The following CABLES1 variants were observed in gnomAD, a reference collection of about 807,000 sequenced individuals.
CABLES1 encodes Cdk5 and Abl enzyme substrate 1.
In CABLES1, 36 loss-of-function variants were observed where a neutral mutation model predicts 57.8. That is an observed-to-expected ratio of 0.62 (90% CI 0.48 to 0.82). The LOEUF (loss-of-function observed/expected upper bound fraction) is 0.82. Ranked by LOEUF, CABLES1 falls within the 40% of genes least tolerant of loss-of-function variation. CABLES1 has a pLI of 0.00. For synonymous variants in CABLES1, 374 were observed against 363.0 expected, an observed-to-expected ratio of 1.03 and a Z score of -0.35; for missense variants, 767 against 836.6, an observed-to-expected ratio of 0.92 and a Z score of 1.03.
At chr18:23,230,237 C>T (rs185429532) in intron 4 of CABLES1, among the ~76,000 whole-genome samples, 8 of 152,084 alleles carry the variant, frequency 5.3e-5, no homozygotes, top group East Asian at 1.9e-4. Flanking sequence ...CCGGGCATGG[C>T]GGCAGGCGCC....
chr18:23,231,011 A>T (rs1000851038), intron 4 of CABLES1, among the ~76,000 whole-genome samples: 1 of 150,670 alleles, frequency 6.6e-6, no homozygotes, highest in African/African-American at 2.4e-5. Context: ...GTCCCATTTG[A>T]TCATGGACCC....
At chr18:23,144,084 C>T (rs1016299323) in intron 1 of CABLES1, among the ~76,000 whole-genome samples, 3 of 152,230 alleles carry the variant, frequency 2.0e-5, no homozygotes, top group Non-Finnish European at 2.9e-5. Flanking sequence ...CACAAGAGGC[C>T]CCTTCCTTCC....
intron 4 of CABLES1, among the ~76,000 whole-genome samples, chr18:23,215,123 C>T (rs561060906): frequency 6.6e-6 from 1 of 152,144 alleles, no homozygotes; most frequent in Non-Finnish European, 1.5e-5. Flanking sequence ...ACTTTGAGCT[C>T]GTCTTTTTCA....
chr18:23,135,282 C>A (rs2046809145), upstream of CABLES1, among the ~76,000 whole-genome samples: 1 of 152,250 alleles, frequency 6.6e-6, no homozygotes, highest in Non-Finnish European at 1.5e-5. Flanking sequence ...CGCCCCACCA[C>A]CCGCTCGGCT....
At chr18:23,141,490 C>A (rs1215054440) in intron 1 of CABLES1, among the ~76,000 whole-genome samples, 1 of 152,202 alleles carries the variant, frequency 6.6e-6, no homozygotes, top group Admixed American at 6.6e-5. Flanking sequence ...AGCCACCTGA[C>A]CCCTCAGGAT....
At chr18:23,170,899 C>T (rs1398199170) in intron 1 of CABLES1, among the ~76,000 whole-genome samples, 3 of 152,176 alleles carry the variant, frequency 2.0e-5, no homozygotes, top group South Asian at 2.1e-4. Flanking sequence ...CAGGCTCCAG[C>T]GATTCTGGTG....
chr18:23,197,310 T>C (rs2047291448), intron 3 of CABLES1: 2 of 152,246 alleles, frequency 1.3e-5, no homozygotes, highest in African/African-American at 4.8e-5. Context: ...CACTTCACCC[T>C]GTGACACTGG....
At position 23,257,429 on chromosome 18, in the gene CABLES1, A is replaced by G. The variant is rs2048196056; in HGVS notation, c.*62A>G. ...CAGCTTGGTGGAGCAGCACTTACTT[A>G]CTACTGGAAATGAAAAAAAGTAGAA... On this transcript the variant is annotated 3_prime_UTR_variant, in exon 10 of 10. Coordinates refer to ENST00000256925, the MANE Select transcript of CABLES1 (RefSeq NM_001100619.3). 17 of 1,498,586 alleles carry G rather than the reference A, an allele frequency of 1.1e-5. 1 individual carries two copies. The South Asian group carries it at 1.7e-4, about 15-fold the overall frequency. 92.8% of individuals were successfully genotyped at this position (1,498,586 alleles called of 1,614,324 possible).
intron 3 of CABLES1, chr18:23,198,149 A>G (rs976864489): frequency 6.6e-6 from 1 of 151,972 alleles, no homozygotes; most frequent in Admixed American, 6.6e-5. Flanking sequence ...GGTCCCAGCT[A>G]TTAGGGAGGC....
At chr18:23,192,071 A>G (rs2047248147) in intron 2 of CABLES1, among the ~76,000 whole-genome samples, 3 of 152,204 alleles carry the variant, frequency 2.0e-5, no homozygotes, top group African/African-American at 7.2e-5. Flanking sequence ...ACTTTCCTCT[A>G]GCACATCGTG....
intron 7 of CABLES1, among the ~76,000 whole-genome samples, chr18:23,243,787 G>C (rs192684564): frequency 5.3e-5 from 8 of 150,312 alleles, no homozygotes; most frequent in African/African-American, 2.0e-4. Context: ...CAGGAGAATC[G>C]CTTGAACCCG....
Position 23,136,052 on chromosome 18 carries a change from G to A in CABLES1, c.290G>A (p.Gly97Asp). The A allele has an allele frequency of 1.4e-6, 1 of 699,162 alleles. No individual in the cohort carries two copies. The highest frequency in any genetic ancestry group is 7.9e-5 in the East Asian group (1 of 12,730). 43.3% of individuals were successfully genotyped at this position (699,162 alleles called of 1,614,324 possible). ...GAGGAGGGCGGCGCGGCCAAGCCGG[G>A]CGCCGGCGGCGCCTGCGGCGCGAGG... The part of the protein sequence containing the change: ...GGEEGGAAKP[G>D]AGGACGARTR... Residue 97 changes from glycine (G) to aspartate (D), a missense_variant, in exon 1 of 10, where the codon GGC becomes GAC. Gly to Asp is a moderately conservative substitution (Grantham distance 94, BLOSUM62 -1). This residue lies in a region of CABLES1 where 198 missense variants were observed against 149.7 expected (regional missense o/e 1.32). Coordinates refer to ENST00000256925, the MANE Select transcript of CABLES1 (RefSeq NM_001100619.3).
At chr18:23,251,798 A>C (rs1006900605) in intron 7 of CABLES1, among the ~76,000 whole-genome samples, 1 of 152,172 alleles carries the variant, frequency 6.6e-6, no homozygotes, top group African/African-American at 2.4e-5. Context: ...TGAAGACTCC[A>C]TAGTAGGCCA....
chr18:23,139,917 G>C (rs911283199), intron 1 of CABLES1, among the ~76,000 whole-genome samples: 2 of 152,144 alleles, frequency 1.3e-5, no homozygotes, highest in Non-Finnish European at 2.9e-5. Context: ...CGTCGTACTG[G>C]TATAATTCAA....
intron 7 of CABLES1, among the ~76,000 whole-genome samples, chr18:23,246,049 C>T (rs1167249617): frequency 6.6e-6 from 1 of 152,152 alleles, no homozygotes; most frequent in Non-Finnish European, 1.5e-5. Flanking sequence ...GGGCAGATCA[C>T]GAGGTCAGGA....
At position 23,136,286 on chromosome 18, in the gene CABLES1, C is replaced by T; in HGVS notation, c.524C>T (p.Ala175Val). Reference sequence around the variant, plus strand: ...GCGAGTCCCCTGGGCGCCGGCCGGGCGTCGGGGGAGCAGTGGCAGCCGCCC... The same window carrying T: ...GCGAGTCCCCTGGGCGCCGGCCGGGTGTCGGGGGAGCAGTGGCAGCCGCCC... ...GFASPLGAGR[A>V]SGEQWQPPRP... The change falls in exon 1 of 10, where the codon GCG becomes GTG. Residue 175 changes from alanine (A) to valine (V), a missense_variant. Coordinates refer to ENST00000256925, the MANE Select transcript of CABLES1 (RefSeq NM_001100619.3). 7.3e-7 allele frequency: 1 copy of T among 1,372,388 alleles called. No individual in the cohort carries two copies. The highest frequency in any genetic ancestry group is 9.4e-7 in the Non-Finnish European group (1 of 1,069,184). 85.0% of individuals were successfully genotyped at this position (1,372,388 alleles called of 1,614,324 possible). A position where few individuals can be genotyped will look rare whatever the true frequency, so the allele number is the denominator to read the frequency against.
At chr18:23,194,408 A>C in intron 2 of CABLES1, 40 bp from the exon 3 acceptor site, 1 of 1,270,422 alleles carries the variant, frequency 7.9e-7, no homozygotes, top group Non-Finnish European at 1.2e-6. Context: ...GCTGTCCAGC[A>C]GGCAACTGAC....
chr18:23,193,136 A>G (rs2047256987), intron 2 of CABLES1, among the ~76,000 whole-genome samples: 1 of 151,962 alleles, frequency 6.6e-6, no homozygotes. Flanking sequence ...TGAAAGCCAC[A>G]GGAAGCATCT....
intron 1 of CABLES1, among the ~76,000 whole-genome samples, chr18:23,160,509 AGTCCAGG>A (rs1445753542): frequency 6.6e-6 from 1 of 152,146 alleles, no homozygotes; most frequent in Non-Finnish European, 1.5e-5. Context: ...CCCGCCTATT[AGTCCAGG>A]GTCCCTTCCT....
Sources: gnomAD v4.1 joint callset for allele counts (sites outside exome capture counted in the v4.1 genomes callset) on GRCh38, gnomAD v4.1.1 for gene constraint, gnomAD v4.1.1 regional missense constraint, MANE v1.5 for transcripts, NCBI Gene and HGNC (gene_info 2026-07-23, HGNC 2026-07-21) for gene names.